FBXO42: variants seen among roughly 807,000 people sequenced by gnomAD.
FBXO42 encodes F-box protein 42.
Under a neutral mutation model 71.7 loss-of-function variants are expected in FBXO42, and 12 were observed. That is an observed-to-expected ratio of 0.17 (90% confidence interval 0.11 to 0.27). FBXO42 has a LOEUF of 0.27. Among genes scored for constraint, FBXO42 ranks in the 10% least tolerant of loss-of-function variants. FBXO42 has a pLI of 1.00. For synonymous variants in FBXO42, 325 were observed against 327.5 expected (o/e 0.99, Z 0.08); for missense variants, 707 against 911.9 (o/e 0.78, Z 2.89).
intron 4 of FBXO42, among the ~76,000 whole-genome samples, chr1:16,290,966 C>T (rs2082071049): frequency 6.6e-6 from 1 of 152,184 alleles, no homozygotes; most frequent in African/African-American, 2.4e-5. Context: ...ACCAAATACA[C>T]ATGTAAAAAG....
At chr1:16,286,349 A>C (rs879466476) in intron 4 of FBXO42, among the ~76,000 whole-genome samples, 3 of 152,188 alleles carry the variant, frequency 2.0e-5, no homozygotes, top group Non-Finnish European at 2.9e-5. Flanking sequence ...GCCTCAGGAA[A>C]ATTACAATCA....
intron 4 of FBXO42, among the ~76,000 whole-genome samples, chr1:16,270,674 C>CAAAAAAAAAAAAAAAAAAAAA: frequency 6.7e-5 from 1 of 14,906 alleles, no homozygotes; most frequent in Non-Finnish European, 1.2e-4. Flanking sequence ...CTCTGTCTCT[C>CAAAAAAAAAAAAAAAAAAAAA]AAAAAAAAAA....
At chr1:16,320,412 T>A (rs1231478129) in intron 1 of FBXO42, among the ~76,000 whole-genome samples, 2 of 150,318 alleles carry the variant, frequency 1.3e-5, no homozygotes, top group Non-Finnish European at 3.0e-5. Flanking sequence ...GGAAAAAATA[T>A]CACTTCCCAT....
rs1490270726 is a variant in FBXO42 at position 16,249,981 on chromosome 1, C to T, written c.*689G>A. The T allele has an allele frequency of 6.6e-6, 1 of 152,174 alleles. No individual in the cohort carries two copies. Among genetic ancestry groups the T allele is most frequent in the East Asian group, 1.9e-4 (1 of 5,194 alleles). 9.4% of individuals were successfully genotyped at this position (152,174 alleles called of 1,614,324 possible). ...AATGTTTTCTGAGACACACAAGAAG[C>T]ACTCCAAAGACCAATGGACACTACT... On this transcript the variant is annotated 3_prime_UTR_variant, in exon 10 of 10. Transcript: ENST00000375592.
At chr1:16,259,330 C>T (rs1222093195) in intron 4 of FBXO42, among the ~76,000 whole-genome samples, 1 of 152,094 alleles carries the variant, frequency 6.6e-6, no homozygotes, top group Non-Finnish European at 1.5e-5. Context: ...ATCATCAGTA[C>T]TATGAAACAG....
At chr1:16,307,074 T>G (rs1363366947) in intron 2 of FBXO42, among the ~76,000 whole-genome samples, 1 of 152,052 alleles carries the variant, frequency 6.6e-6, no homozygotes, top group East Asian at 1.9e-4. Context: ...GTATTTTTAG[T>G]AGAGACAGGG....
rs2081574995 is a variant in FBXO42, at chr1:16,249,996, T to G, written c.*674A>C. The G allele has an allele frequency of 6.6e-6, 1 of 152,192 alleles. No individual in the cohort carries two copies. The highest frequency in any genetic ancestry group is 1.5e-5 in the Non-Finnish European group (1 of 68,042). The allele number at this position is 152,192 out of a possible 1,614,324, so 9.4% of individuals were successfully genotyped here. ...ACACAAGAAGCACTCCAAAGACCAA[T>G]GGACACTACTAGGCGGTCAGATGTT... On this transcript the variant is annotated 3_prime_UTR_variant, in exon 10 of 10. Transcript: ENST00000375592.
chr1:16,258,305 G>C (rs1043818757), intron 4 of FBXO42, among the ~76,000 whole-genome samples: 9 of 151,942 alleles, frequency 5.9e-5, no homozygotes, highest in Admixed American at 5.9e-4. Context: ...GTCCTGAAGA[G>C]TACAGGGTGA....
chr1:16,315,848 A>G lies in FBXO42; in HGVS notation c.-17-413T>C, dbSNP rs558354681. ...CTAACTCTGGGTCTTGCAAAAAGTA[A>G]TAACATTCTGAGAATATGGGTTAAG... is the stretch of plus-strand genomic sequence containing the variant. On this transcript the variant is annotated intron_variant, in intron 1 of 9. Transcript: ENST00000375592. Among the ~76,000 whole-genome samples the G allele has an allele frequency of 9.2e-5, 14 of 152,288 alleles. No homozygotes were observed. In the South Asian group the frequency reaches 1.9e-3, roughly 20 times the overall value.
chr1:16,327,969 G>A (rs2082464633), intron 1 of FBXO42, among the ~76,000 whole-genome samples: 1 of 152,140 alleles, frequency 6.6e-6, no homozygotes, highest in Non-Finnish European at 1.5e-5. Flanking sequence ...CCAAAGTGCT[G>A]GGATTACGTG....
intron 1 of FBXO42, among the ~76,000 whole-genome samples, chr1:16,337,415 A>G (rs909557570): frequency 1.3e-5 from 2 of 152,178 alleles, no homozygotes; most frequent in Non-Finnish European, 2.9e-5. Flanking sequence ...CTCTGTGAGG[A>G]ACATATTATC....
At chr1:16,305,377 G>C (rs776581476) in intron 3 of FBXO42, among the ~76,000 whole-genome samples, 3 of 152,124 alleles carry the variant, frequency 2.0e-5, no homozygotes, top group Admixed American at 6.6e-5. Flanking sequence ...GACAGAGTGA[G>C]ACTCCATTTC....
chr1:16,310,111 C>T (rs1328676058), intron 2 of FBXO42, among the ~76,000 whole-genome samples: 4 of 150,100 alleles, frequency 2.7e-5, no homozygotes, highest in East Asian at 2.0e-4. Flanking sequence ...AGGAGAATGG[C>T]GTGAACCCGG....
chr1:16,263,735 C>CAA lies in FBXO42; in HGVS notation c.503-6978_503-6977dup, dbSNP rs140519776. Among the ~76,000 whole-genome samples, 76 of 134,428 alleles carry CAA rather than the reference C, an allele frequency of 5.7e-4. 2 individuals carry two copies. Among genetic ancestry groups the CAA allele is most frequent in the South Asian group, 7.0e-4 (3 of 4,280 alleles). The allele number at this position is 134,428 out of a possible 152,430, so 88.2% of individuals were successfully genotyped here. A position where few individuals can be genotyped will look rare whatever the true frequency, so the allele number is the denominator to read the frequency against. ...CGAAACTCCGTCTCAAGGAAAAAAA[C>CAA]AAAAAAAAACCGAAAAACCAAAAAA... On this transcript the variant is annotated intron_variant, in intron 4 of 9. Transcript: ENST00000375592.
At chr1:16,271,246 CGTGTGTGTGTTGGTGT>C (rs1360568449) in intron 4 of FBXO42, among the ~76,000 whole-genome samples, 1 of 131,644 alleles carries the variant, frequency 7.6e-6, no homozygotes, top group East Asian at 2.4e-4. Context: ...CTACTGTGTG[CGTGTGTGTGTTGGTGT>C]GTGTGTGTGT....
chr1:16,336,701 G>A (rs2082556327), intron 1 of FBXO42, among the ~76,000 whole-genome samples: 1 of 151,818 alleles, frequency 6.6e-6, no homozygotes, highest in African/African-American at 2.4e-5. Context: ...AAGGATGTCT[G>A]GGCTGGGTGC....
chr1:16,316,169 C>CA (rs58485035), intron 1 of FBXO42, among the ~76,000 whole-genome samples: 23,407 of 108,860 alleles, frequency 0.22, 2,442 homozygotes, highest in Non-Finnish European at 0.25. Flanking sequence ...ACCTCCATCT[C>CA]AAAAAAAAAA....
intron 3 of FBXO42, among the ~76,000 whole-genome samples, chr1:16,303,298 T>C (rs1337096686): frequency 6.6e-6 from 1 of 152,208 alleles, no homozygotes; most frequent in Non-Finnish European, 1.5e-5. Flanking sequence ...ACTTGCAGTA[T>C]TTCCCAACAG....
At position 16,313,370 on chromosome 1, in the gene FBXO42, AAG is replaced by A. The variant is rs1193278764; in HGVS notation, c.250+1797_250+1798del. ...AAAGAAAGAAAGAAAGAAAGAAAGA[AAG>A]AGAAAAGAAAGAAAACCAAAATAAG... is the stretch of plus-strand genomic sequence containing the variant. On this transcript the variant is annotated intron_variant, in intron 2 of 9. Coordinates refer to ENST00000375592, the MANE Select transcript of FBXO42 (RefSeq NM_018994.3). 3.4e-5 allele frequency among the ~76,000 whole-genome samples: 5 copies of A among 146,568 alleles called. No homozygotes were observed. In the East Asian group the frequency reaches 1.0e-3, roughly 30 times the overall value.
Sources: allele counts gnomAD v4.1 joint callset (sites outside exome capture counted in the v4.1 genomes callset), GRCh38; gene constraint gnomAD v4.1.1; transcripts MANE v1.5; gene names NCBI Gene and HGNC (gene_info 2026-07-23, HGNC 2026-07-21).